Variants in DPP10 observed in about 807,000 individuals in gnomAD.
DPP10 encodes inactive dipeptidyl peptidase 10.
Under a neutral mutation model 120.9 loss-of-function variants are expected in DPP10, and 33 were observed. The observed-to-expected ratio is 0.27, with a 90% confidence interval of 0.21 to 0.37. DPP10 has a LOEUF of 0.37. Ranked by LOEUF, DPP10 falls within the 10% of genes least tolerant of loss-of-function variation. DPP10 has a pLI of 1.00. For missense variants in DPP10, 816 were observed against 942.8 expected (o/e 0.87, Z 1.76); for synonymous variants, 337 against 326.1 (o/e 1.03, Z -0.36).
intron 3 of DPP10, among the ~76,000 whole-genome samples, chr2:115,359,039 A>T (rs894794005): frequency 3.3e-5 from 5 of 152,130 alleles, no homozygotes; most frequent in African/African-American, 1.2e-4. Context: ...TGCATATGAG[A>T]TGGGTTTCTT....
chr2:114,531,038 C>A (rs558580549), intron 1 of DPP10, among the ~76,000 whole-genome samples: 20 of 152,160 alleles, frequency 1.3e-4, no homozygotes, highest in East Asian at 1.9e-4. Context: ...AAGTGACAGA[C>A]AAAGATGGTC....
rs189711260 is a variant in DPP10, at chr2:115,684,338, A to G, written c.442-5349A>G. ...GTTCGTAACTGTGTGAAGAAGATAA[A>G]TCTTTTGAAACGACAAAGTCACGAC... On this transcript the variant is annotated intron_variant, in intron 5 of 25. Transcript: ENST00000410059. 4.7e-4 allele frequency among the ~76,000 whole-genome samples: 71 copies of G among 151,920 alleles called. 1 individual carries two copies. The Middle Eastern group carries it at 0.014, about 29-fold the overall frequency.
chr2:115,467,120 G>T (rs2074374896), intron 3 of DPP10, among the ~76,000 whole-genome samples: 2 of 152,064 alleles, frequency 1.3e-5, no homozygotes, highest in South Asian at 2.1e-4. Context: ...AAAATTTAAG[G>T]GAGCAATAAA....
chr2:114,860,042 T>C (rs1384251488), intron 1 of DPP10, among the ~76,000 whole-genome samples: 1 of 152,260 alleles, frequency 6.6e-6, no homozygotes, highest in East Asian at 1.9e-4. Flanking sequence ...AGCAAGGGTA[T>C]ACATACACCA....
chr2:114,567,942 C>T (rs1285861219), intron 1 of DPP10, among the ~76,000 whole-genome samples: 1 of 150,892 alleles, frequency 6.6e-6, no homozygotes, highest in South Asian at 2.1e-4. Context: ...ATGGGTTGAT[C>T]GGTGCAGCAA....
chr2:114,624,363 TA>T (rs1296926213), intron 1 of DPP10, among the ~76,000 whole-genome samples: 1 of 151,954 alleles, frequency 6.6e-6, no homozygotes, highest in Non-Finnish European at 1.5e-5. Flanking sequence ...CTCTAGGGCA[TA>T]GGGGATAATC....
intron 5 of DPP10, among the ~76,000 whole-genome samples, chr2:115,599,141 A>C (rs1392474970): frequency 6.6e-6 from 1 of 151,992 alleles, no homozygotes; most frequent in African/African-American, 2.4e-5. Flanking sequence ...TTTGAGTATG[A>C]TTATCTACAA....
chr2:115,636,882 T>A (rs2149336513), intron 5 of DPP10, among the ~76,000 whole-genome samples: 1 of 152,220 alleles, frequency 6.6e-6, no homozygotes, highest in East Asian at 1.9e-4. Flanking sequence ...TAAGAGGAAG[T>A]GGAATCTTAA....
At chr2:114,607,221 A>G (rs780559277) in intron 1 of DPP10, among the ~76,000 whole-genome samples, 1 of 152,212 alleles carries the variant, frequency 6.6e-6, no homozygotes, top group Non-Finnish European at 1.5e-5. Flanking sequence ...GAGGGAACAC[A>G]GTTCTCCATG....
At chr2:114,563,928 G>A (rs1201009548) in intron 1 of DPP10, among the ~76,000 whole-genome samples, 1 of 152,280 alleles carries the variant, frequency 6.6e-6, no homozygotes. Flanking sequence ...CATTCTTGAA[G>A]CTTTCCTCTG....
intron 3 of DPP10, among the ~76,000 whole-genome samples, chr2:115,460,356 G>T (rs186816812): frequency 2.6e-5 from 4 of 152,206 alleles, no homozygotes; most frequent in Admixed American, 6.6e-5. Flanking sequence ...GAAATACCAG[G>T]AGTTTTATCT....
chr2:114,923,102 A>G (rs1055462664), intron 1 of DPP10, among the ~76,000 whole-genome samples: 1 of 152,144 alleles, frequency 6.6e-6, no homozygotes, highest in Non-Finnish European at 1.5e-5. Flanking sequence ...TTAAATTATA[A>G]GAGTTCTTTG....
Position 115,573,441 on chromosome 2 carries a change from C to A in DPP10, c.441+47469C>A, listed in dbSNP as rs1246428693. ...GGGACTACAGGCGCCCGCCACCACG[C>A]CCGGCTAATTTTTTGTATTTTTAGT... is the stretch of plus-strand genomic sequence containing the variant. On this transcript the variant is annotated intron_variant, in intron 5 of 25. Coordinates refer to ENST00000410059, the MANE Select transcript of DPP10 (RefSeq NM_020868.6). Among the ~76,000 whole-genome samples the A allele has an allele frequency of 2.0e-5, 3 of 151,500 alleles. No individual in the cohort carries two copies. The South Asian group carries it at 6.3e-4, about 32-fold the overall frequency.
Position 114,497,324 on chromosome 2 carries a change from CGTGTAT to C in DPP10, c.60+54487_60+54492del, listed in dbSNP as rs1558814235. Among the ~76,000 whole-genome samples, 36 of 20,796 alleles carry C rather than the reference CGTGTAT, an allele frequency of 1.7e-3. 1 individual carries two copies. Among genetic ancestry groups the C allele is most frequent in the African/African-American group, 2.6e-3 (19 of 7,432 alleles). The allele number at this position is 20,796 out of a possible 152,430, so 13.6% of individuals were successfully genotyped here. ...ATACGTGTATACATGTACATGTATA[CGTGTAT>C]ACATGTACATATACATACACATGTA... On this transcript the variant is annotated intron_variant, in intron 1 of 25. Transcript: ENST00000410059.
At chr2:115,202,883 A>G (rs1225528831) in intron 1 of DPP10, among the ~76,000 whole-genome samples, 2 of 152,218 alleles carry the variant, frequency 1.3e-5, no homozygotes, top group Non-Finnish European at 2.9e-5. Flanking sequence ...ACAGAGAAAG[A>G]AGAAAATACC....
At chr2:115,427,682 T>G (rs139903315) in intron 3 of DPP10, among the ~76,000 whole-genome samples, 2 of 152,308 alleles carry the variant, frequency 1.3e-5, no homozygotes, top group East Asian at 3.9e-4. Context: ...GATCTCTGAA[T>G]GCCTTGGAGG....
At chr2:114,647,168 G>A (rs1485397515) in intron 1 of DPP10, among the ~76,000 whole-genome samples, 1 of 152,214 alleles carries the variant, frequency 6.6e-6, no homozygotes, top group Non-Finnish European at 1.5e-5. Context: ...CTCTGAATAA[G>A]AAGAAAATTC....
chr2:114,707,206 C>G (rs1700739110), intron 1 of DPP10: 2 of 152,072 alleles, frequency 1.3e-5, no homozygotes, highest in South Asian at 4.1e-4. Context: ...GAACAATTAC[C>G]TTTAAATATT....
At chr2:115,556,846 T>C (rs2080247913) in intron 5 of DPP10, among the ~76,000 whole-genome samples, 1 of 152,200 alleles carries the variant, frequency 6.6e-6, no homozygotes. Flanking sequence ...TGTTTACAAC[T>C]TTATACACCA....
Sources: allele counts gnomAD v4.1 joint callset (sites outside exome capture counted in the v4.1 genomes callset), GRCh38; gene constraint gnomAD v4.1.1; transcripts MANE v1.5; gene names NCBI Gene and HGNC (gene_info 2026-07-23, HGNC 2026-07-21).